Variants in CAMK1D observed in about 807,000 individuals in gnomAD.
CAMK1D encodes the protein calcium/calmodulin-dependent protein kinase type 1D.
In CAMK1D, 9 loss-of-function variants were observed where a neutral mutation model predicts 47.7. The ratio of observed to expected loss-of-function variants is 0.19; its 90% CI spans 0.11 to 0.33. CAMK1D has a LOEUF of 0.33. CAMK1D is among the 10% of genes least tolerant of loss of function. The pLI, the probability that CAMK1D is intolerant of heterozygous loss-of-function variation, is 1.00. For synonymous variants in CAMK1D, 184 were observed against 184.9 expected (o/e 0.99, Z 0.04); for missense variants, 291 against 488.7 (o/e 0.60, Z 3.81).
chr10:12,369,554 T>C (rs1837946108), intron 1 of CAMK1D, among the ~76,000 whole-genome samples: 1 of 152,020 alleles, frequency 6.6e-6, no homozygotes. Context: ...GTTCCAGAAG[T>C]CAGAAATTAC....
intron 1 of CAMK1D, among the ~76,000 whole-genome samples, chr10:12,457,209 G>A (rs1833277196): frequency 3.3e-5 from 5 of 152,056 alleles, no homozygotes; most frequent in Admixed American, 3.3e-4. Flanking sequence ...TGACCAACAT[G>A]GTGAAAGCCT....
chr10:12,607,188 A>G (rs1838487639), intron 2 of CAMK1D, among the ~76,000 whole-genome samples: 1 of 152,156 alleles, frequency 6.6e-6, no homozygotes, highest in African/African-American at 2.4e-5. Context: ...GCCACCTGCC[A>G]GTGGAGTGAA....
chr10:12,679,906 AG>A (rs760737360), intron 3 of CAMK1D, among the ~76,000 whole-genome samples: 8 of 152,176 alleles, frequency 5.3e-5, no homozygotes, highest in Non-Finnish European at 1.0e-4. Context: ...GTGATACCAA[AG>A]CATGCTGCAT....
chr10:12,363,879 C>T (rs185181281), intron 1 of CAMK1D, among the ~76,000 whole-genome samples: 73 of 152,112 alleles, frequency 4.8e-4, no homozygotes, highest in Non-Finnish European at 2.6e-4. Flanking sequence ...AGGTTGCTTC[C>T]ACCTCTTGGC....
chr10:12,417,926 C>G (rs188192034), intron 1 of CAMK1D, among the ~76,000 whole-genome samples: 1 of 152,056 alleles, frequency 6.6e-6, no homozygotes, highest in Non-Finnish European at 1.5e-5. Flanking sequence ...CTCAGCCTCC[C>G]GAATAGCTGG....
chr10:12,461,850 C>G (rs1406308434), intron 1 of CAMK1D, among the ~76,000 whole-genome samples: 2 of 152,022 alleles, frequency 1.3e-5, no homozygotes, highest in Non-Finnish European at 2.9e-5. Context: ...TGTTTTGCCA[C>G]GTATCTTTGG....
chr10:12,618,246 A>AT (rs557149838), intron 2 of CAMK1D, among the ~76,000 whole-genome samples: 293 of 150,006 alleles, frequency 2.0e-3, no homozygotes, highest in Middle Eastern at 0.017. Context: ...CATCCTCCTA[A>AT]TTTTTTTTTT....
intron 6 of CAMK1D, among the ~76,000 whole-genome samples, chr10:12,806,943 T>C (rs1838759105): frequency 6.6e-6 from 1 of 152,148 alleles, no homozygotes; most frequent in Admixed American, 6.5e-5. Flanking sequence ...GTCACATCTG[T>C]TTGAAATCGC....
At chr10:12,515,301 C>T (rs893282962) in intron 1 of CAMK1D, among the ~76,000 whole-genome samples, 1 of 152,044 alleles carries the variant, frequency 6.6e-6, no homozygotes, top group African/African-American at 2.4e-5. Flanking sequence ...CATAACTTCG[C>T]CAGATTCCCC....
At chr10:12,778,411 G>T (rs883418) in intron 5 of CAMK1D, among the ~76,000 whole-genome samples, 27,501 of 152,092 alleles carry the variant, frequency 0.18, 3,047 homozygotes, top group East Asian at 0.46. Flanking sequence ...CTGTGGAGGC[G>T]GCACATCACT....
intron 2 of CAMK1D, among the ~76,000 whole-genome samples, chr10:12,617,635 C>A (rs958767003): frequency 6.6e-6 from 1 of 152,124 alleles, no homozygotes; most frequent in East Asian, 1.9e-4. Flanking sequence ...GCCTTGGGAC[C>A]AAATGTCAAC....
intron 1 of CAMK1D, among the ~76,000 whole-genome samples, chr10:12,549,362 T>C (rs1247247683): frequency 6.6e-6 from 1 of 152,238 alleles, no homozygotes; most frequent in Non-Finnish European, 1.5e-5. Context: ...GTCCTCAGAG[T>C]TCATCCATGT....
At position 12,496,078 on chromosome 10, in the gene CAMK1D, C is replaced by G. The variant is rs543787703; in HGVS notation, c.93-57147C>G. ...TCCTGAGCTCAAGCAATCCTCCTGCCTCGGCCTCCCAAAGTGCTGGGAGTT... is the reference window on the plus strand; with the variant it reads ...TCCTGAGCTCAAGCAATCCTCCTGCGTCGGCCTCCCAAAGTGCTGGGAGTT... On this transcript the variant is annotated intron_variant, in intron 1 of 10. Coordinates refer to ENST00000619168, the MANE Select transcript of CAMK1D (RefSeq NM_153498.4). Among the ~76,000 whole-genome samples, 145 of 152,238 alleles carry G rather than the reference C, an allele frequency of 9.5e-4. 2 individuals carry two copies. Among genetic ancestry groups the G allele is most frequent in the Middle Eastern group, 3.4e-3 (1 of 294 alleles).
At chr10:12,430,128 G>A (rs1044636914) in intron 1 of CAMK1D, among the ~76,000 whole-genome samples, 1 of 152,082 alleles carries the variant, frequency 6.6e-6, no homozygotes, top group Non-Finnish European at 1.5e-5. Context: ...GTTCTCTCTT[G>A]GATGGAAGTC....
At chr10:12,363,750 C>T (rs1392957055) in intron 1 of CAMK1D, among the ~76,000 whole-genome samples, 1 of 150,656 alleles carries the variant, frequency 6.6e-6, no homozygotes, top group Non-Finnish European at 1.5e-5. Context: ...CTCACTGCAG[C>T]CTCCACCTCC....
At chr10:12,506,285 T>C (rs544687308) in intron 1 of CAMK1D, among the ~76,000 whole-genome samples, 2 of 152,016 alleles carry the variant, frequency 1.3e-5, no homozygotes, top group African/African-American at 4.8e-5. Flanking sequence ...CCGAGTGGGG[T>C]GCCATGTGCC....
intron 1 of CAMK1D, among the ~76,000 whole-genome samples, chr10:12,542,338 C>G (rs753499820): frequency 1.3e-5 from 2 of 152,122 alleles, no homozygotes; most frequent in Non-Finnish European, 2.9e-5. Flanking sequence ...AGGCTGGAAG[C>G]GATGCTGTTA....
At chr10:12,574,484 T>TTC (rs1214321061) in intron 2 of CAMK1D, among the ~76,000 whole-genome samples, 1 of 132,724 alleles carries the variant, frequency 7.5e-6, no homozygotes, top group East Asian at 2.1e-4. Flanking sequence ...TTTTTTTTTT[T>TTC]TTTTTTTTTT....
At chr10:12,473,087 A>C (rs1020568965) in intron 1 of CAMK1D, among the ~76,000 whole-genome samples, 1 of 152,102 alleles carries the variant, frequency 6.6e-6, no homozygotes, top group Non-Finnish European at 1.5e-5. Context: ...TTGCTGGGCC[A>C]ATGTGGGGCA....
Sources: gnomAD v4.1 joint callset for allele counts (sites outside exome capture counted in the v4.1 genomes callset) on GRCh38, gnomAD v4.1.1 for gene constraint, MANE v1.5 for transcripts, NCBI Gene and HGNC (gene_info 2026-07-23, HGNC 2026-07-21) for gene names.